The following SHROOM2 variants were observed in gnomAD, a reference collection of about 807,000 sequenced individuals.
The protein encoded by SHROOM2 is shroom family member 2.
In SHROOM2, 33 loss-of-function variants were observed where a neutral mutation model predicts 75.9. The observed-to-expected ratio is 0.43, with a 90% CI of 0.33 to 0.58. SHROOM2 has a LOEUF of 0.58. Ranked by LOEUF, SHROOM2 falls within the 20% of genes least tolerant of loss-of-function variation. The probability of loss-of-function intolerance (pLI) is 0.04; values close to 1 mark genes in which losing one functional copy is unlikely to be tolerated. For synonymous variants in SHROOM2, 655 were observed against 663.6 expected, an observed-to-expected ratio of 0.99 and a Z score of 0.20; for missense variants, 1,434 against 1,461.2, an observed-to-expected ratio of 0.98 and a Z score of 0.30.
chrX:9,813,840 T>C (rs1347384660), intron 1 of SHROOM2, among the ~76,000 whole-genome samples: 1 of 112,206 alleles, frequency 8.9e-6, no homozygotes. Flanking sequence ...CCGCTTTGCC[T>C]CTGCTGTCCA....
chrX:9,903,454 C>T (rs1416638470), intron 5 of SHROOM2, among the ~76,000 whole-genome samples: 1 of 112,511 alleles, frequency 8.9e-6, no homozygotes, highest in African/African-American at 3.2e-5. Flanking sequence ...GGAGTACTTG[C>T]GGATGTAACA....
At chrX:9,829,011 G>A (rs1051130218) in intron 1 of SHROOM2, among the ~76,000 whole-genome samples, 2 of 110,962 alleles carry the variant, frequency 1.8e-5, no homozygotes, top group African/African-American at 6.6e-5. Flanking sequence ...GCTTCCTGGG[G>A]TTGTTTGTTT....
intron 3 of SHROOM2, among the ~76,000 whole-genome samples, chrX:9,893,307 A>G (rs1217417750): frequency 9.0e-6 from 1 of 111,031 alleles, no homozygotes; most frequent in Non-Finnish European, 1.9e-5. Context: ...GGGTCTCACT[A>G]TATTGCTAAG....
In SHROOM2 at chrX:9,827,223, C is replaced by CTTTTT. The variant is rs397953893; in HGVS notation, c.165+40526_165+40530dup. Among the ~76,000 whole-genome samples, 361 of 60,113 alleles carry CTTTTT rather than the reference C, an allele frequency of 6.0e-3. 13 individuals carry two copies. Among genetic ancestry groups the CTTTTT allele is most frequent in the African/African-American group, 0.026 (343 of 13,317 alleles). 52.2% of individuals were successfully genotyped at this position (60,113 alleles called of 115,157 possible). A position where few individuals can be genotyped will look rare whatever the true frequency, so the allele number is the denominator to read the frequency against. ...TGTTAGCCTTGACATTTTTCTTTTTCTTTTTTTTTTTTTTTTTGAGACAGG... is the reference window on the plus strand; with the variant it reads ...TGTTAGCCTTGACATTTTTCTTTTTCTTTTTTTTTTTTTTTTTTTTTTGAGACAGG... On this transcript the variant is annotated intron_variant, in intron 1 of 9. Transcript: ENST00000380913.
intron 1 of SHROOM2, among the ~76,000 whole-genome samples, chrX:9,839,982 C>A (rs1407913321): frequency 2.7e-5 from 3 of 111,649 alleles, no homozygotes; most frequent in African/African-American, 9.8e-5. Flanking sequence ...TATTTGAGGT[C>A]ATCGGAGACC....
At chrX:9,809,462 T>C (rs1334794386) in intron 1 of SHROOM2, among the ~76,000 whole-genome samples, 1 of 111,666 alleles carries the variant, frequency 9.0e-6, no homozygotes, top group South Asian at 3.8e-4. Context: ...CTTGGTATTC[T>C]TCAATCCAAT....
intron 1 of SHROOM2, among the ~76,000 whole-genome samples, chrX:9,797,130 C>T (rs762361735): frequency 1.4e-4 from 16 of 112,406 alleles, no homozygotes; most frequent in Non-Finnish European, 2.4e-4. Context: ...CTTGTTGCCT[C>T]CTCCTCTCAG....
Position 9,816,304 on chromosome X carries a change from A to G in SHROOM2, c.165+29594A>G, listed in dbSNP as rs1028420998. 2.7e-5 allele frequency among the ~76,000 whole-genome samples: 3 copies of G among 112,625 alleles called. No homozygotes were observed. The East Asian group carries it at 8.4e-4, about 31-fold the overall frequency. ...GCTTTTTAACCTCAGTGCCCCAGGC[A>G]TAGCGCTTGTGATTTCCTGAGCACA... On this transcript the variant is annotated intron_variant, in intron 1 of 9. Coordinates refer to ENST00000380913, the MANE Select transcript of SHROOM2 (RefSeq NM_001649.4).
chrX:9,929,022 TA>T (rs2147050430), intron 5 of SHROOM2, among the ~76,000 whole-genome samples: 1 of 112,575 alleles, frequency 8.9e-6, no homozygotes, highest in South Asian at 3.7e-4. Flanking sequence ...ACCAGATGCA[TA>T]CAACATATAG....
At chrX:9,890,133 A>C (rs1420783115) in intron 2 of SHROOM2, among the ~76,000 whole-genome samples, 1 of 112,558 alleles carries the variant, frequency 8.9e-6, no homozygotes, top group African/African-American at 3.2e-5. Flanking sequence ...TTGGGAGGCC[A>C]AGGTGAGTGG....
chrX:9,944,228 C>T (rs1466526217), intron 8 of SHROOM2, among the ~76,000 whole-genome samples: 1 of 110,938 alleles, frequency 9.0e-6, no homozygotes, highest in Admixed American at 9.5e-5. Context: ...TAACTAATCA[C>T]GGAATTTGGT....
At chrX:9,933,451 T>C (rs1426338384) in intron 6 of SHROOM2, among the ~76,000 whole-genome samples, 1 of 111,846 alleles carries the variant, frequency 8.9e-6, no homozygotes, top group Non-Finnish European at 1.9e-5. Context: ...GAGATGCTGA[T>C]GAATGTTAGG....
intron 5 of SHROOM2, among the ~76,000 whole-genome samples, chrX:9,908,524 A>G (rs1311523936): frequency 3.6e-5 from 4 of 112,205 alleles, no homozygotes; most frequent in African/African-American, 1.3e-4. Context: ...CAATCTACAA[A>G]AAGATTTGAG....
chrX:9,893,095 ATAT>A (rs200771047), intron 3 of SHROOM2, among the ~76,000 whole-genome samples: 17,686 of 108,697 alleles, frequency 0.16, 1,375 homozygotes, highest in East Asian at 0.44. Context: ...GCAGTGTGTG[ATAT>A]TATTATTATT....
chrX:9,894,615 T>C lies in SHROOM2; in HGVS notation c.707T>C (p.Leu236Pro). The change falls in exon 4 of 10, where the codon CTC (leucine) becomes CCC (proline). Residue 236 changes from leucine to proline, a missense_variant. By Grantham distance (98) the Leu-to-Pro change is moderately conservative. This residue lies in a region of SHROOM2 where 1,340 missense variants were observed against 1,338.3 expected (regional missense o/e 1.00). Transcript: ENST00000380913. The part of the protein sequence containing the change: ...KADTSSAENI[L>P]YTVGLWEAPR... ...GACACGTCCTCCGCAGAGAACATCC[T>C]CTACACTGTGGGCCTCTGGGAGGCT... 8.3e-7 allele frequency: 1 copy of C among 1,211,827 alleles called. No homozygotes were observed. Among genetic ancestry groups the C allele is most frequent in the Non-Finnish European group, 1.1e-6 (1 of 895,471 alleles).
intron 1 of SHROOM2, among the ~76,000 whole-genome samples, chrX:9,792,070 AG>A: frequency 1.5e-4 from 1 of 6,545 alleles, no homozygotes; most frequent in African/African-American, 4.6e-4. Context: ...AGAATAGAAT[AG>A]AATAGAATAG....
At chrX:9,837,245 C>T (rs1350043420) in intron 1 of SHROOM2, among the ~76,000 whole-genome samples, 1 of 112,425 alleles carries the variant, frequency 8.9e-6, no homozygotes, top group Non-Finnish European at 1.9e-5. Context: ...AGGCTGGTCG[C>T]ATAAGTCCTT....
intron 7 of SHROOM2, among the ~76,000 whole-genome samples, chrX:9,937,913 A>G (rs1230733990): frequency 2.7e-5 from 3 of 112,010 alleles, no homozygotes; most frequent in African/African-American, 9.7e-5. Context: ...ACTGCAGACC[A>G]CCAAGCTGCC....
intron 5 of SHROOM2, among the ~76,000 whole-genome samples, chrX:9,919,572 T>C (rs762274685): frequency 4.2e-4 from 46 of 109,591 alleles, no homozygotes; most frequent in Non-Finnish European, 7.0e-4. Flanking sequence ...CCTCGTGATC[T>C]GCCCCCCTCA....
Sources: allele counts gnomAD v4.1 joint callset (sites outside exome capture counted in the v4.1 genomes callset), GRCh38; gene constraint gnomAD v4.1.1; regional missense constraint gnomAD v4.1.1; transcripts MANE v1.5; gene names NCBI Gene and HGNC (gene_info 2026-07-23, HGNC 2026-07-21).